Variants in SRGAP2 observed in about 807,000 individuals in gnomAD.
SRGAP2 encodes the protein SLIT-ROBO Rho GTPase activating protein 2.
In SRGAP2, 15 loss-of-function variants were observed where a neutral mutation model predicts 57.2. That is an observed-to-expected ratio of 0.26 (90% CI 0.18 to 0.40). The LOEUF (loss-of-function observed/expected upper bound fraction) is 0.40, where lower values mean the gene tolerates loss of function less well. SRGAP2 is among the 10% of genes least tolerant of loss of function. SRGAP2 has a pLI of 1.00. For synonymous variants in SRGAP2, 249 were observed against 248.0 expected (o/e 1.00, Z -0.04); for missense variants, 520 against 669.6 (o/e 0.78, Z 2.47).
At chr1:206,426,486 T>C (rs190851658) in intron 13 of SRGAP2, among the ~76,000 whole-genome samples, 1 of 152,366 alleles carries the variant, frequency 6.6e-6, no homozygotes, top group African/African-American at 2.4e-5. Flanking sequence ...CTTTTGGATC[T>C]ATAGCCAGCA....
intron 19 of SRGAP2, among the ~76,000 whole-genome samples, chr1:206,452,747 G>A (rs1160649205): frequency 3.9e-5 from 6 of 151,950 alleles, no homozygotes; most frequent in Admixed American, 2.6e-4. Context: ...TTAGCTGGGC[G>A]TGGTGGCACA....
At chr1:206,443,489 C>T (rs1036274263) in intron 17 of SRGAP2, among the ~76,000 whole-genome samples, 12 of 152,188 alleles carry the variant, frequency 7.9e-5, no homozygotes, top group African/African-American at 2.9e-4. Context: ...ATTCTCCTGC[C>T]TCAGTCTCCC....
intron 14 of SRGAP2, among the ~76,000 whole-genome samples, chr1:206,433,921 A>T (rs936659023): frequency 2.6e-5 from 4 of 152,230 alleles, no homozygotes; most frequent in African/African-American, 9.6e-5. Context: ...AGGATCAAGC[A>T]AATATATTGT....
chr1:206,248,971 A>T (rs1185374946), intron 2 of SRGAP2, among the ~76,000 whole-genome samples: 18,665 of 113,136 alleles, frequency 0.16, no homozygotes, highest in African/African-American at 0.23. Context: ...GATCATGTTT[A>T]CCCCTCTGTT....
intron 21 of SRGAP2, chr1:206,455,350 C>T: frequency 2.8e-6 from 1 of 356,506 alleles, no homozygotes; most frequent in Non-Finnish European, 5.2e-6. Context: ...TCACTTTATG[C>T]AACCTGGTTT....
chr1:206,349,571 G>A (rs1675891387), intron 4 of SRGAP2, among the ~76,000 whole-genome samples: 1 of 145,282 alleles, frequency 6.9e-6, no homozygotes, highest in African/African-American at 2.5e-5. Flanking sequence ...GTTACCTTAT[G>A]CATGTAATAC....
At chr1:206,363,620 A>G (rs1415152604) in intron 4 of SRGAP2, among the ~76,000 whole-genome samples, 2 of 151,672 alleles carry the variant, frequency 1.3e-5, no homozygotes, top group African/African-American at 2.4e-5. Context: ...GTATCCTCTA[A>G]TCTCTGACAG....
chr1:206,432,290 G>C (rs781858332), intron 14 of SRGAP2, among the ~76,000 whole-genome samples: 15 of 152,196 alleles, frequency 9.9e-5, no homozygotes, highest in Non-Finnish European at 4.4e-5. Flanking sequence ...CTGTGGTGAA[G>C]CTCTGGGGAA....
At chr1:206,438,125 G>A (rs782607714) in intron 16 of SRGAP2, 27 bp downstream of exon 16, 5 of 779,710 alleles carry the variant, frequency 6.4e-6, no homozygotes, top group Non-Finnish European at 1.2e-5. Context: ...CTTCAGATTG[G>A]CTTCTGGGCT....
chr1:206,277,178 C>T (rs1670464995), intron 2 of SRGAP2, among the ~76,000 whole-genome samples: 1 of 145,306 alleles, frequency 6.9e-6, no homozygotes, highest in South Asian at 2.3e-4. Context: ...TTGTTCAGGC[C>T]ATCTATCACT....
chr1:206,313,165 C>T (rs1553324860), intron 3 of SRGAP2, among the ~76,000 whole-genome samples: 1 of 142,828 alleles, frequency 7.0e-6, no homozygotes, highest in South Asian at 2.3e-4. Flanking sequence ...ATCTTTTCAG[C>T]GTTTCTCCCA....
At chr1:206,359,796 C>CCCTTTTTTTTTTT (rs1558345475) in intron 4 of SRGAP2, among the ~76,000 whole-genome samples, 4 of 103,660 alleles carry the variant, frequency 3.9e-5, no homozygotes, top group African/African-American at 1.9e-4. Context: ...AGGGATATTG[C>CCCTTTTTTTTTTT]TCTTTTTTTT....
At chr1:206,284,696 G>A (rs1330843174) in intron 2 of SRGAP2, among the ~76,000 whole-genome samples, 4 of 152,206 alleles carry the variant, frequency 2.6e-5, no homozygotes, top group East Asian at 3.8e-4. Context: ...TGGTCCTCCC[G>A]CTTCGGCCTC....
At chr1:206,326,983 A>G (rs1389200861) in intron 3 of SRGAP2, among the ~76,000 whole-genome samples, 1 of 152,102 alleles carries the variant, frequency 6.6e-6, no homozygotes, top group Non-Finnish European at 1.5e-5. Context: ...AACCATGGTC[A>G]TGCCCCTGTA....
chr1:206,259,787 A>G (rs532291227), intron 2 of SRGAP2, among the ~76,000 whole-genome samples: 2,123 of 145,608 alleles, frequency 0.015, 39 homozygotes, highest in African/African-American at 0.051. Context: ...ATTATTAAAT[A>G]TTATTAAATT....
Position 206,446,304 on chromosome 1 carries a change from G to T in SRGAP2, c.2099+5G>T, listed in dbSNP as rs782014140. The T allele has an allele frequency of 2.2e-5, 17 of 780,612 alleles. No individual in the cohort carries two copies. The highest frequency in any genetic ancestry group is 1.2e-4 in the South Asian group (9 of 74,602). The allele number at this position is 780,612 out of a possible 1,614,324, so 48.4% of individuals were successfully genotyped here. A position where few individuals can be genotyped will look rare whatever the true frequency, so the allele number is the denominator to read the frequency against. On this transcript the variant is annotated splice_donor_5th_base_variant and intron_variant, in intron 18 of 22. Coordinates refer to ENST00000573034, the MANE Select transcript of SRGAP2 (RefSeq NM_015326.5). ...AGGAAGCATGGAGGATTACTGGTAG[G>T]GGGGCTTGGGACGGGAGGAGGGGAG...
intron 4 of SRGAP2, among the ~76,000 whole-genome samples, chr1:206,376,173 C>T (rs1203451061): frequency 1.3e-5 from 2 of 152,006 alleles, no homozygotes; most frequent in African/African-American, 4.8e-5. Context: ...TCTGCCACCC[C>T]TACCTTCATC....
chr1:206,461,525 T>C lies in SRGAP2; in HGVS notation c.*105T>C. 1.5e-6 allele frequency: 1 copy of C among 660,032 alleles called. No individual in the cohort carries two copies. Among genetic ancestry groups the C allele is most frequent in the South Asian group, 1.9e-5 (1 of 53,532 alleles). 40.9% of individuals were successfully genotyped at this position (660,032 alleles called of 1,614,324 possible). ...GGGACTTCAGTTGAAAATTAGGTTC[T>C]AAGTTGTTCTTGCAGGAATTAGCCT... On this transcript the variant is annotated 3_prime_UTR_variant, in exon 23 of 23. Transcript: ENST00000573034.
intron 12 of SRGAP2, among the ~76,000 whole-genome samples, chr1:206,420,779 T>A (rs1553364053): frequency 6.6e-6 from 1 of 152,204 alleles, no homozygotes; most frequent in African/African-American, 2.4e-5. Context: ...AACTAGATGT[T>A]CTACACTCTA....
Sources: allele counts gnomAD v4.1 joint callset (sites outside exome capture counted in the v4.1 genomes callset), GRCh38; gene constraint gnomAD v4.1.1; transcripts MANE v1.5; gene names NCBI Gene and HGNC (gene_info 2026-07-23, HGNC 2026-07-21).